The following SMIM27 variants were observed in gnomAD, a reference collection of about 807,000 sequenced individuals.
SMIM27 encodes the protein transition zone microprotein 1.
A neutral mutation model predicts 1.8 loss-of-function variants in SMIM27; 3 were observed. The ratio of observed to expected loss-of-function variants is 1.65; its 90% CI spans 0.75 to 4.28. The LOEUF (loss-of-function observed/expected upper bound fraction) is 4.28, where lower values mean the gene tolerates loss of function less well. SMIM27 is among the 30% of genes most tolerant of loss of function. The pLI is 0.02. For missense variants in SMIM27, 63 were observed against 37.0 expected (o/e 1.70, Z -1.83); for synonymous variants, 19 against 13.9 (o/e 1.37, Z -0.82).
intron 1 of SMIM27, chr9:32,566,083 A>AT: frequency 2.5e-6 from 1 of 404,746 alleles, no homozygotes. Flanking sequence ...AAAAAAAAAA[A>AT]GGCACCTGTT....
chr9:32,555,481 C>T (rs149536051), downstream of SMIM27, among the ~76,000 whole-genome samples: 35 of 152,144 alleles, frequency 2.3e-4, no homozygotes, highest in Non-Finnish European at 4.0e-4. Context: ...TGCATAAGGA[C>T]AAAGAAATGA....
intron 1 of SMIM27, chr9:32,558,851 G>T: frequency 8.5e-7 from 1 of 1,181,754 alleles, no homozygotes; most frequent in African/African-American, 1.5e-5. Flanking sequence ...CTTGGAAAGG[G>T]AGGAAAAGGA....
downstream of SMIM27, among the ~76,000 whole-genome samples, chr9:32,555,191 T>C (rs958042658): frequency 3.8e-4 from 58 of 152,044 alleles, no homozygotes; most frequent in African/African-American, 9.2e-4. Flanking sequence ...GGCAGGAGGA[T>C]TGCTTGAGGC....
At chr9:32,557,865 G>A (rs1821512205), downstream of SMIM27, among the ~76,000 whole-genome samples, 1 of 152,164 alleles carries the variant, frequency 6.6e-6, no homozygotes, top group South Asian at 2.1e-4. Context: ...TGTTGCAACA[G>A]ATAATCATTA....
chr9:32,552,508 C>T, intron 1 of SMIM27, 29 bp downstream of exon 1: 15 of 1,567,692 alleles, frequency 9.6e-6, no homozygotes, highest in East Asian at 4.7e-5. Context: ...GGGCCCCCAC[C>T]GTGTCGACTC....
chr9:32,554,583 C>G (rs1400841307), downstream of SMIM27, among the ~76,000 whole-genome samples: 1 of 152,202 alleles, frequency 6.6e-6, no homozygotes, highest in Non-Finnish European at 1.5e-5. Flanking sequence ...CCCTGAATGA[C>G]TGGGAAGAGT....
intron 1 of SMIM27, chr9:32,558,851 G>A: frequency 8.5e-7 from 1 of 1,181,760 alleles, no homozygotes; most frequent in Non-Finnish European, 1.2e-6. Flanking sequence ...CTTGGAAAGG[G>A]AGGAAAAGGA....
chr9:32,563,567 T>A (rs1563995015), intron 1 of SMIM27, among the ~76,000 whole-genome samples: 1 of 145,854 alleles, frequency 6.9e-6, no homozygotes, highest in Non-Finnish European at 1.5e-5. Context: ...CAAGCAGTCC[T>A]CCCACCTCAG....
downstream of SMIM27, among the ~76,000 whole-genome samples, chr9:32,556,895 A>C (rs1343348481): frequency 1.5e-5 from 2 of 136,992 alleles, no homozygotes; most frequent in Non-Finnish European, 3.0e-5. Context: ...TCTGTCGCTA[A>C]GGCTGGAGTG....
At chr9:32,560,474 T>C (rs1821595008) in intron 1 of SMIM27, among the ~76,000 whole-genome samples, 1 of 152,254 alleles carries the variant, frequency 6.6e-6, no homozygotes, top group Non-Finnish European at 1.5e-5. Context: ...TGTGTCAACT[T>C]TTAAAAGTTC....
intron 1 of SMIM27, among the ~76,000 whole-genome samples, chr9:32,558,143 G>C (rs1448816975): frequency 6.3e-5 from 7 of 111,948 alleles, no homozygotes; most frequent in African/African-American, 2.2e-4. Context: ...ACGGAGTCTC[G>C]CTCTGTCACC....
At chr9:32,566,416 C>T in exon 2 of SMIM27, 2 of 876,164 alleles carry the variant, frequency 2.3e-6, no homozygotes, top group Middle Eastern at 2.2e-4. Context: ...GAGGAGCCTG[C>T]TCTCCCTGTT....
chr9:32,553,960 T>C, downstream of SMIM27: 1 of 1,505,608 alleles, frequency 6.6e-7, no homozygotes, highest in Non-Finnish European at 9.2e-7. Context: ...AAAACAAAGA[T>C]ACAGTTAGTA....
Position 32,552,429 on chromosome 9 carries a change from C to CT in SMIM27, c.-4dup, listed in dbSNP as rs781581293. 6.2e-7 allele frequency: 1 copy of CT among 1,609,666 alleles called. No individual in the cohort carries two copies. The highest frequency in any genetic ancestry group is 1.1e-5 in the South Asian group (1 of 90,158). ...AGCTCCCGCGGACTGCTGCCGCCTC[C>CT]TTACCATGAAGCCAGTAAGTCGTCG... On this transcript the variant is annotated 5_prime_UTR_variant, in exon 1 of 2. Coordinates refer to ENST00000692500, the MANE Select transcript of SMIM27 (RefSeq NM_001387564.1).
intron 1 of SMIM27, chr9:32,566,327 T>C: frequency 8.5e-7 from 1 of 1,174,242 alleles, no homozygotes; most frequent in Non-Finnish European, 1.3e-6. Context: ...TTCCATCTTG[T>C]TCTTTAACTG....
rs1332808511 is a variant in SMIM27, at chr9:32,552,458, G to A, written c.24G>A (p.Thr8=). The A allele has an allele frequency of 5.6e-6, 9 of 1,602,798 alleles. No homozygotes were observed. The East Asian group carries it at 2.0e-4, about 36-fold the overall frequency. The stretch of plus-strand genomic sequence containing the variant: ...CCATGAAGCCAGTAAGTCGTCGCAC[G>A]CTGGACTGGATTTATTCAGTGGTAA... MKPVSRR[T]LDWIYSVLLL... The change falls in exon 1 of 2, where the codon ACG becomes ACA. Residue 8 remains threonine (T), a synonymous_variant. Coordinates refer to ENST00000692500, the MANE Select transcript of SMIM27 (RefSeq NM_001387564.1).
Position 32,552,967 on chromosome 9 carries a change from T to C in SMIM27, c.*44T>C. The C allele has an allele frequency of 1.5e-6, 1 of 661,920 alleles. No individual in the cohort carries two copies. The highest frequency in any genetic ancestry group is 2.5e-4 in the Middle Eastern group (1 of 4,072). 41.0% of individuals were successfully genotyped at this position (661,920 alleles called of 1,614,324 possible). A position where few individuals can be genotyped will look rare whatever the true frequency, so the allele number is the denominator to read the frequency against. ...TCTGAAAATACAGTTCTTTCCCTCA[T>C]GCTTATGTAGATATAAAAATAAAAT... On this transcript the variant is annotated 3_prime_UTR_variant, in exon 2 of 2. Coordinates refer to ENST00000692500, the MANE Select transcript of SMIM27 (RefSeq NM_001387564.1).
At position 32,552,462 on chromosome 9, in the gene SMIM27, G is replaced by A. The variant is rs756609359; in HGVS notation, c.28G>A (p.Asp10Asn). 31 of 1,601,844 alleles carry A rather than the reference G, an allele frequency of 1.9e-5. No homozygotes were observed. Among genetic ancestry groups the A allele is most frequent in the Non-Finnish European group, 2.4e-5 (28 of 1,174,722 alleles). Residue 10 changes from aspartate to asparagine, a missense_variant, in exon 1 of 2, where the codon GAC (aspartate) becomes AAC (asparagine). Asp to Asn is a conservative substitution (Grantham distance 23). Coordinates refer to ENST00000692500, the MANE Select transcript of SMIM27 (RefSeq NM_001387564.1). The stretch of plus-strand genomic sequence containing the variant: ...GAAGCCAGTAAGTCGTCGCACGCTG[G>A]ACTGGATTTATTCAGTGGTAAGTCC... MKPVSRRTLDWIYSVLLLAI... is the reference protein window; with the variant it reads MKPVSRRTLNWIYSVLLLAI...
At chr9:32,552,182 A>G, upstream of SMIM27, 5 of 597,312 alleles carry the variant, frequency 8.4e-6, no homozygotes. Flanking sequence ...GGCAAAAAAA[A>G]AAAAAAAAAA....
Sources: gnomAD v4.1 joint callset for allele counts (sites outside exome capture counted in the v4.1 genomes callset) on GRCh38, gnomAD v4.1.1 for gene constraint, MANE v1.5 for transcripts, NCBI Gene and HGNC (gene_info 2026-07-23, HGNC 2026-07-21) for gene names.